NRF1: variants seen among roughly 807,000 people sequenced by gnomAD.
The protein encoded by NRF1 is alpha palindromic-binding protein.
In NRF1, 5 loss-of-function variants were observed where a neutral mutation model predicts 58.5. The observed-to-expected ratio is 0.09, with a 90% CI of 0.04 to 0.18. The LOEUF is 0.18. NRF1 is among the 10% of genes least tolerant of loss of function. The probability of loss-of-function intolerance (pLI) is 1.00; values close to 1 mark genes in which losing one functional copy is unlikely to be tolerated. For missense variants in NRF1, 288 were observed against 657.7 expected (o/e 0.44, Z 6.15); for synonymous variants, 224 against 246.7 (o/e 0.91, Z 0.86).
chr7:129,715,670 CA>C (rs1803169868), intron 8 of NRF1, among the ~76,000 whole-genome samples: 1 of 152,098 alleles, frequency 6.6e-6, no homozygotes, highest in African/African-American at 2.4e-5. Context: ...TTGTTAATAG[CA>C]AAAGACTGTA....
chr7:129,673,688 G>A (rs1440918386), intron 3 of NRF1, among the ~76,000 whole-genome samples: 13 of 123,158 alleles, frequency 1.1e-4, no homozygotes, highest in African/African-American at 3.2e-4. Flanking sequence ...CAGCACTCCC[G>A]CCTGGGCGAC....
intron 5 of NRF1, among the ~76,000 whole-genome samples, chr7:129,698,643 A>C (rs1802752135): frequency 6.6e-6 from 1 of 152,138 alleles, no homozygotes; most frequent in African/African-American, 2.4e-5. Flanking sequence ...GGATGGGCTA[A>C]GTCAGTTCCT....
intron 4 of NRF1, among the ~76,000 whole-genome samples, chr7:129,683,261 CAAG>C (rs1375127891): frequency 2.1e-5 from 3 of 144,848 alleles, no homozygotes; most frequent in Non-Finnish European, 4.5e-5. Context: ...TTTCAAAAGA[CAAG>C]AAAAAAATTT....
At chr7:129,646,777 C>G (rs941826709) in intron 1 of NRF1, among the ~76,000 whole-genome samples, 4 of 152,300 alleles carry the variant, frequency 2.6e-5, no homozygotes, top group Admixed American at 6.5e-5. Flanking sequence ...GGTTGGCAGG[C>G]TCAGCCCCAG....
At chr7:129,709,388 C>T (rs1562978356) in intron 6 of NRF1, among the ~76,000 whole-genome samples, 155 bp downstream of exon 6, 1 of 152,112 alleles carries the variant, frequency 6.6e-6, no homozygotes, top group Non-Finnish European at 1.5e-5. Flanking sequence ...ATAGCCTTTT[C>T]CATTTGTCGC....
At chr7:129,654,954 T>C (rs1442037082) in intron 1 of NRF1, among the ~76,000 whole-genome samples, 1 of 152,240 alleles carries the variant, frequency 6.6e-6, no homozygotes, top group Non-Finnish European at 1.5e-5. Context: ...TGCCTCTCCA[T>C]GTAAACTTTA....
intron 1 of NRF1, among the ~76,000 whole-genome samples, chr7:129,612,659 C>T (rs1186235314): frequency 6.6e-6 from 1 of 152,296 alleles, no homozygotes; most frequent in African/African-American, 2.4e-5. Context: ...AGTGGCACGC[C>T]CCTCCGAAGG....
rs1477254206 is a variant in NRF1, at chr7:129,673,892, C to T, written c.338+2349C>T. Among the ~76,000 whole-genome samples, 3 of 152,012 alleles carry T rather than the reference C, an allele frequency of 2.0e-5. No individual in the cohort carries two copies. The East Asian group carries it at 5.8e-4, about 29-fold the overall frequency. ...TGGTGGCTCATGCCTATAATCCCAG[C>T]ACTTTGGGAGGCCGAGGTGGGCGGA... On this transcript the variant is annotated intron_variant, in intron 3 of 10. Transcript: ENST00000393232.
chr7:129,641,441 A>G (rs1801286939), intron 1 of NRF1, among the ~76,000 whole-genome samples: 1 of 152,024 alleles, frequency 6.6e-6, no homozygotes, highest in Admixed American at 6.5e-5. Flanking sequence ...TGATACCTGT[A>G]CTCAACTTGC....
chr7:129,686,359 G>C (rs555791016), intron 4 of NRF1, among the ~76,000 whole-genome samples: 26 of 152,268 alleles, frequency 1.7e-4, no homozygotes, highest in African/African-American at 6.3e-4. Context: ...AGATTGAAAT[G>C]CTGGCCAGAG....
At chr7:129,656,105 G>A (rs1043604860) in intron 1 of NRF1, among the ~76,000 whole-genome samples, 2 of 149,500 alleles carry the variant, frequency 1.3e-5, no homozygotes, top group African/African-American at 5.0e-5. Flanking sequence ...TGGATCATGT[G>A]GTACTTCTAT....
intron 10 of NRF1, among the ~76,000 whole-genome samples, chr7:129,731,554 G>C (rs1478896163): frequency 1.3e-5 from 2 of 152,152 alleles, no homozygotes. Flanking sequence ...TTTTCATTTA[G>C]ATGTAGGTAG....
chr7:129,633,607 C>T (rs961990426), intron 1 of NRF1: 1 of 152,126 alleles, frequency 6.6e-6, no homozygotes, highest in Non-Finnish European at 1.5e-5. Context: ...AGTGAAGAAG[C>T]AACAGTCTGA....
intron 3 of NRF1, among the ~76,000 whole-genome samples, chr7:129,675,456 A>G (rs1802154548): frequency 6.6e-6 from 1 of 152,244 alleles, no homozygotes; most frequent in Non-Finnish European, 1.5e-5. Context: ...ACCCAGATCC[A>G]TCAGAGGAAT....
intron 2 of NRF1, among the ~76,000 whole-genome samples, chr7:129,667,741 GTATTTATTTATTTATTTATT>G (rs140688640): frequency 1.7e-4 from 24 of 144,476 alleles, no homozygotes; most frequent in South Asian, 6.7e-4. Flanking sequence ...AATTTTAAAG[GTATTTATTTATTTATTTATT>G]TATTTATTTA....
At chr7:129,619,423 T>TACACACACACAC (rs1353426092) in intron 1 of NRF1, among the ~76,000 whole-genome samples, 12 of 87,354 alleles carry the variant, frequency 1.4e-4, no homozygotes, top group African/African-American at 7.6e-4. Context: ...TATATATATA[T>TACACACACACAC]ATATATATAT....
intron 5 of NRF1, among the ~76,000 whole-genome samples, chr7:129,707,449 A>G (rs574603953): frequency 3.9e-5 from 6 of 152,344 alleles, no homozygotes; most frequent in East Asian, 1.9e-4. Context: ...AATTTAATCT[A>G]TACCTCTGAG....
chr7:129,693,462 C>T (rs762419903), intron 5 of NRF1, among the ~76,000 whole-genome samples: 28 of 152,242 alleles, frequency 1.8e-4, no homozygotes, highest in East Asian at 7.7e-4. Flanking sequence ...TCCCGCAAGA[C>T]GCATGTGACC....
At chr7:129,683,429 A>G (rs987360837) in intron 4 of NRF1, among the ~76,000 whole-genome samples, 1 of 151,360 alleles carries the variant, frequency 6.6e-6, no homozygotes, top group South Asian at 2.1e-4. Context: ...CCTGTGTTCA[A>G]GTGATTCTCC....
Sources: gnomAD v4.1 joint callset for allele counts (sites outside exome capture counted in the v4.1 genomes callset) on GRCh38, gnomAD v4.1.1 for gene constraint, MANE v1.5 for transcripts, NCBI Gene and HGNC (gene_info 2026-07-23, HGNC 2026-07-21) for gene names.